SGPL1: variants seen among roughly 807,000 people sequenced by gnomAD.
The protein encoded by SGPL1 is SP-lyase 1.
SGPL1 carries 37 observed loss-of-function variants against 68.9 expected under a neutral mutation model. The ratio of observed to expected loss-of-function variants is 0.54; its 90% CI spans 0.41 to 0.71. The LOEUF (loss-of-function observed/expected upper bound fraction) is 0.71. Among genes scored for constraint, SGPL1 ranks in the 30% least tolerant of loss-of-function variants. The probability of loss-of-function intolerance (pLI) is 0.00; values close to 1 mark genes in which losing one functional copy is unlikely to be tolerated. For synonymous variants in SGPL1, 236 were observed against 248.5 expected (o/e 0.95, Z 0.47); for missense variants, 551 against 704.6 (o/e 0.78, Z 2.47).
intron 4 of SGPL1, among the ~76,000 whole-genome samples, chr10:70,853,471 C>G: frequency 6.6e-6 from 1 of 152,164 alleles, no homozygotes; most frequent in East Asian, 1.9e-4. Flanking sequence ...AAGCAGCAGC[C>G]CCTGCCCTTC....
intron 3 of SGPL1, among the ~76,000 whole-genome samples, chr10:70,849,527 T>G (rs747838390): frequency 6.6e-6 from 1 of 152,260 alleles, no homozygotes; most frequent in Non-Finnish European, 1.5e-5. Context: ...TTATTCAGTC[T>G]GTGTCTTAGT....
At chr10:70,850,451 G>A (rs540998828) in intron 3 of SGPL1, among the ~76,000 whole-genome samples, 1 of 152,296 alleles carries the variant, frequency 6.6e-6, no homozygotes, top group East Asian at 1.9e-4. Flanking sequence ...GAAGAGAAAT[G>A]TTGAACATCT....
rs1173481855 is a variant in SGPL1, at chr10:70,853,960, A to G, written c.262-748A>G. Among the ~76,000 whole-genome samples, 5 of 152,300 alleles carry G rather than the reference A, an allele frequency of 3.3e-5. No individual in the cohort carries two copies. The East Asian group carries it at 9.7e-4, about 29-fold the overall frequency. The stretch of plus-strand genomic sequence containing the variant: ...GCTCATCACTTGCACAAGGACCAGA[A>G]TCACTTTTACTGCAGCATGGCCAGT... On this transcript the variant is annotated intron_variant, in intron 4 of 14. Transcript: ENST00000373202.
chr10:70,875,226 A>C (rs558871830), intron 12 of SGPL1, among the ~76,000 whole-genome samples, 176 bp from the exon 13 acceptor site: 1 of 152,344 alleles, frequency 6.6e-6, no homozygotes, highest in South Asian at 2.1e-4. Context: ...TGATCTCAGT[A>C]AGAACCACTG....
In SGPL1 at chr10:70,833,691, A is replaced by G. The variant is rs139467729; in HGVS notation, c.28-10782A>G. Among the ~76,000 whole-genome samples the G allele has an allele frequency of 5.5e-3, 835 of 152,256 alleles. 6 individuals carry two copies. Among genetic ancestry groups the G allele is most frequent in the African/African-American group, 0.019 (790 of 41,530 alleles). ...TGGGGGGGCAGAAGCTGATAAGAAT[A>G]AATATACTAACTGAGTCTCTTCTGT... On this transcript the variant is annotated intron_variant, in intron 2 of 14. Transcript: ENST00000373202.
At chr10:70,874,663 C>T (rs1002102368) in intron 12 of SGPL1, among the ~76,000 whole-genome samples, 14 of 152,104 alleles carry the variant, frequency 9.2e-5, no homozygotes, top group East Asian at 3.9e-4. Flanking sequence ...GCAGAGGTTG[C>T]GGTGAGTTGA....
intron 3 of SGPL1, among the ~76,000 whole-genome samples, chr10:70,850,780 TAG>T (rs1354025893): frequency 7.9e-5 from 12 of 151,672 alleles, no homozygotes; most frequent in Non-Finnish European, 2.9e-5. Flanking sequence ...ACTACAGTGC[TAG>T]AGTGTGCTAC....
chr10:70,818,887 T>A (rs1564615187), intron 2 of SGPL1, among the ~76,000 whole-genome samples: 1 of 152,208 alleles, frequency 6.6e-6, no homozygotes, highest in Non-Finnish European at 1.5e-5. Flanking sequence ...GAAAGGGGAT[T>A]TGTTAATCTC....
intron 2 of SGPL1, among the ~76,000 whole-genome samples, chr10:70,842,018 G>A (rs1845723829): frequency 6.6e-6 from 1 of 151,916 alleles, no homozygotes; most frequent in African/African-American, 2.4e-5. Flanking sequence ...CTTTTGTTTT[G>A]TTTTATTGCT....
At chr10:70,836,228 T>C (rs1845625995) in intron 2 of SGPL1, among the ~76,000 whole-genome samples, 1 of 152,252 alleles carries the variant, frequency 6.6e-6, no homozygotes. Context: ...AAAGAGAGAA[T>C]ACATTGGAAT....
intron 2 of SGPL1, among the ~76,000 whole-genome samples, chr10:70,836,142 AGAGT>A (rs1311114926): frequency 1.3e-5 from 2 of 152,204 alleles, no homozygotes; most frequent in Non-Finnish European, 2.9e-5. Context: ...AATTATTTGT[AGAGT>A]GGGTCAGCCT....
intron 8 of SGPL1, chr10:70,869,488 C>T (rs917579154): frequency 4.7e-6 from 1 of 214,652 alleles, no homozygotes; most frequent in Non-Finnish European, 9.3e-6. Context: ...TCCAAAGTCT[C>T]TGTCCCCCAG....
chr10:70,876,544 TC>T lies in SGPL1; in HGVS notation c.1450del (p.His484IlefsTer13). The stretch of plus-strand genomic sequence containing the variant: ...CTCTCTGTCTCTTCTTTCCTAGTAT[TC>T]ATTTCTGCATCACATTACTACACGC... ...LNQLQFPPSI[H>X]FCITLLHARK... is the part of the protein sequence containing the mutation. On this transcript the variant is annotated frameshift_variant, in exon 14 of 15. Coordinates refer to ENST00000373202, the MANE Select transcript of SGPL1 (RefSeq NM_003901.4). LOFTEE classifies it high-confidence loss of function. 6.2e-7 allele frequency: 1 copy of T among 1,610,532 alleles called. No homozygotes were observed. The highest frequency in any genetic ancestry group is 8.5e-7 in the Non-Finnish European group (1 of 1,178,794).
intron 2 of SGPL1, 49 bp downstream of exon 2, chr10:70,816,929 T>G (rs1263060430): frequency 6.3e-7 from 1 of 1,586,088 alleles, no homozygotes; most frequent in Non-Finnish European, 8.7e-7. Context: ...TTGTCTCCGT[T>G]TTTTTAGTCC....
At position 70,877,610 on chromosome 10, in the gene SGPL1, A is replaced by T; in HGVS notation, c.*275A>T. 2.8e-6 allele frequency: 1 copy of T among 360,288 alleles called. No individual in the cohort carries two copies. Among genetic ancestry groups the T allele is most frequent in the Non-Finnish European group, 5.1e-6 (1 of 195,670 alleles). The allele number at this position is 360,288 out of a possible 1,614,324, so 22.3% of individuals were successfully genotyped here. On this transcript the variant is annotated 3_prime_UTR_variant, in exon 15 of 15. Transcript: ENST00000373202. ...TTGTTTTAACCATTTCCTTTTCTAA[A>T]CTCTCTAGCTTTCAACTTTACTTAA...
intron 2 of SGPL1, among the ~76,000 whole-genome samples, chr10:70,827,484 A>G (rs1032798357): frequency 6.6e-6 from 1 of 152,190 alleles, no homozygotes; most frequent in Non-Finnish European, 1.5e-5. Context: ...GCTTTTTGAC[A>G]TAATATAGCT....
chr10:70,859,065 A>G (rs1846007349), intron 6 of SGPL1, among the ~76,000 whole-genome samples: 1 of 152,188 alleles, frequency 6.6e-6, no homozygotes, highest in African/African-American at 2.4e-5. Context: ...AAACAACCTT[A>G]GATTATGTGA....
At chr10:70,849,823 C>G (rs943646512) in intron 3 of SGPL1, among the ~76,000 whole-genome samples, 9 of 152,156 alleles carry the variant, frequency 5.9e-5, no homozygotes, top group African/African-American at 1.4e-4. Context: ...ACAGAAAATT[C>G]CTGTGGTGCA....
intron 2 of SGPL1, among the ~76,000 whole-genome samples, chr10:70,820,681 AAG>A (rs1423366138): frequency 1.3e-5 from 2 of 152,060 alleles, no homozygotes; most frequent in Non-Finnish European, 2.9e-5. Context: ...AGGCTGAGGC[AAG>A]AGAGTTGCTT....
Sources: allele counts gnomAD v4.1 joint callset (sites outside exome capture counted in the v4.1 genomes callset), GRCh38; gene constraint gnomAD v4.1.1; transcripts MANE v1.5; gene names NCBI Gene and HGNC (gene_info 2026-07-23, HGNC 2026-07-21).